Variants in CHCHD5 observed in about 807,000 individuals in gnomAD.
The protein encoded by CHCHD5 is coiled-coil-helix-coiled-coil-helix domain containing 5.
CHCHD5 carries 10 observed loss-of-function variants against 16.0 expected under a neutral mutation model. That is an observed-to-expected ratio of 0.63 (90% CI 0.39 to 1.06). CHCHD5 has a LOEUF of 1.06. Among genes scored for constraint, CHCHD5 ranks in the 50% least tolerant of loss-of-function variants. CHCHD5 has a pLI of 0.01. For missense variants in CHCHD5, 163 were observed against 153.4 expected (o/e 1.06, Z -0.33); for synonymous variants, 55 against 56.3 (o/e 0.98, Z 0.10).
At chr2:112,584,922 C>T (rs1407314163) in intron 1 of CHCHD5, 2 of 548,434 alleles carry the variant, frequency 3.6e-6, no homozygotes, top group Admixed American at 3.1e-5. Flanking sequence ...ACCCCAGGTC[C>T]GGCCTTCACA....
chr2:112,586,525 C>T (rs536129922), intron 3 of CHCHD5, 160 bp downstream of exon 3: 5 of 1,546,164 alleles, frequency 3.2e-6, no homozygotes, highest in African/African-American at 2.7e-5. Context: ...CACTTCTTGC[C>T]CCATATAGCC....
chr2:112,588,968 C>A lies in CHCHD5; in HGVS notation c.*79C>A. 1 of 1,064,544 alleles carries A rather than the reference C, an allele frequency of 9.4e-7. No homozygotes were observed. Among genetic ancestry groups the A allele is most frequent in the Non-Finnish European group, 1.5e-6 (1 of 686,648 alleles). The allele number at this position is 1,064,544 out of a possible 1,614,324, so 65.9% of individuals were successfully genotyped here. ...CCCCTGCAGAGTGGCCAGATGGAGT[C>A]CTGAGCCCTGGACATGGGCCCGGCT... On this transcript the variant is annotated 3_prime_UTR_variant, in exon 4 of 4. Coordinates refer to ENST00000324913, the MANE Select transcript of CHCHD5 (RefSeq NM_032309.4).
At chr2:112,588,048 G>C (rs1228679860) in intron 3 of CHCHD5, 1 of 152,332 alleles carries the variant, frequency 6.6e-6, no homozygotes. Context: ...CCAGCACTTG[G>C]GGAGGCCGAG....
intron 3 of CHCHD5, chr2:112,586,682 C>T: frequency 7.8e-7 from 1 of 1,288,056 alleles, no homozygotes; most frequent in African/African-American, 1.5e-5. Context: ...CTCATCACAC[C>T]TATGCTTAAA....
chr2:112,588,581 G>A, intron 3 of CHCHD5: 2 of 445,182 alleles, frequency 4.5e-6, no homozygotes, highest in Non-Finnish European at 8.0e-6. Context: ...TTTCTTGGAT[G>A]TTGACATATT....
chr2:112,586,200 C>T lies in CHCHD5; in HGVS notation c.144C>T (p.His48=), dbSNP rs766796445. ...GGGCTGAACTGCCCTACCCCCACAG[C>T]CCAATCATCCGCCAGATCCGCCAGG... The part of the protein sequence containing the change: ...KMSIAQCTSS[H]PIIRQIRQAC... Residue 48 remains histidine, a splice_region_variant and synonymous_variant, in exon 3 of 4, where the codon CAC becomes CAT. Transcript: ENST00000324913. 1.9e-6 allele frequency: 3 copies of T among 1,609,404 alleles called. No homozygotes were observed. The highest frequency in any genetic ancestry group is 3.3e-5 in the Admixed American group (2 of 59,932).
chr2:112,586,787 G>A (rs1490117906), intron 3 of CHCHD5: 1 of 544,508 alleles, frequency 1.8e-6, no homozygotes. Context: ...TCTGCCTCCT[G>A]CCTCACCCTC....
At chr2:112,587,959 A>G (rs188219111) in intron 3 of CHCHD5, 3 of 152,472 alleles carry the variant, frequency 2.0e-5, no homozygotes, top group African/African-American at 7.2e-5. Context: ...CTGCCCTGAC[A>G]GTCTTCTCTT....
intron 3 of CHCHD5, chr2:112,587,558 TG>T (rs1355670033): frequency 6.7e-6 from 1 of 150,190 alleles, no homozygotes; most frequent in African/African-American, 2.4e-5. Flanking sequence ...TTCCCGCCCC[TG>T]TCTTCAAGTT....
chr2:112,587,026 C>T (rs1344874895), intron 3 of CHCHD5: 1 of 159,972 alleles, frequency 6.3e-6, no homozygotes, highest in Non-Finnish European at 1.4e-5. Context: ...GTTTACTACC[C>T]TCCTCACTGG....
upstream of CHCHD5, chr2:112,584,554 A>G (rs1574148584): frequency 6.4e-7 from 1 of 1,561,212 alleles, no homozygotes; most frequent in African/African-American, 1.4e-5. Context: ...GCTACCGGAA[A>G]AAACCAGGCT....
At chr2:112,585,506 G>GC (rs771881271) in intron 1 of CHCHD5, among the ~76,000 whole-genome samples, 3 of 152,166 alleles carry the variant, frequency 2.0e-5, no homozygotes, top group Non-Finnish European at 4.4e-5. Context: ...AAGCCCCAGG[G>GC]CTGGGCCTCA....
Position 112,584,651 on chromosome 2 carries a change from TGAG to T in CHCHD5, c.2+3_2+5del. On this transcript the variant is annotated splice_donor_5th_base_variant and intron_variant, in intron 1 of 3. Coordinates refer to ENST00000324913, the MANE Select transcript of CHCHD5 (RefSeq NM_032309.4). Reference sequence around the variant, plus strand: ...CTACGCCGGCAAAGGTCTCGAGATGTGAGTAGTGAGAGCGCCTACCCCATACGT... The same window carrying T: ...CTACGCCGGCAAAGGTCTCGAGATGTTAGTGAGAGCGCCTACCCCATACGT... 13 of 1,613,846 alleles carry T rather than the reference TGAG, an allele frequency of 8.1e-6. No homozygotes were observed. Among genetic ancestry groups the T allele is most frequent in the Non-Finnish European group, 1.1e-5 (13 of 1,179,956 alleles).
Position 112,588,929 on chromosome 2 carries a change from GC to G in CHCHD5, c.*45del. The G allele has an allele frequency of 6.5e-7, 1 of 1,529,266 alleles. No homozygotes were observed. Among genetic ancestry groups the G allele is most frequent in the Non-Finnish European group, 9.1e-7 (1 of 1,104,104 alleles). 94.7% of individuals were successfully genotyped at this position (1,529,266 alleles called of 1,614,324 possible). ...GCAGGAAAACTGGACATGAATGACT[GC>G]CCCCACGCCCCTCCCCTGCAGAGTG... On this transcript the variant is annotated 3_prime_UTR_variant, in exon 4 of 4. Transcript: ENST00000324913.
chr2:112,586,756 T>C, intron 3 of CHCHD5: 1 of 690,726 alleles, frequency 1.4e-6, no homozygotes, highest in Non-Finnish European at 2.3e-6. Flanking sequence ...GTTCTCTGTG[T>C]TCTTCCCTAG....
intron 3 of CHCHD5, chr2:112,586,737 C>A (rs1685238407): frequency 2.5e-6 from 2 of 804,988 alleles, no homozygotes; most frequent in Admixed American, 6.0e-5. Context: ...AAGTCCAGGT[C>A]CTTGCTGGGT....
intron 1 of CHCHD5, 196 bp downstream of exon 1, chr2:112,584,845 C>G (rs910978691): frequency 4.8e-6 from 3 of 628,882 alleles, no homozygotes; most frequent in Non-Finnish European, 8.4e-6. Flanking sequence ...AGCGTTTAGG[C>G]CTCGCCCCCT....
chr2:112,584,763 G>A (rs1426893909), intron 1 of CHCHD5, 114 bp downstream of exon 1: 2 of 1,289,286 alleles, frequency 1.6e-6, no homozygotes, highest in East Asian at 4.9e-5. Context: ...CCTTCTTGGA[G>A]ATCTGACCCT....
intron 3 of CHCHD5, chr2:112,588,585 A>G (rs556909842): frequency 2.4e-5 from 11 of 454,640 alleles, no homozygotes; most frequent in African/African-American, 2.0e-4. Flanking sequence ...TTGGATGTTG[A>G]CATATTTATT....
Sources: gnomAD v4.1 joint callset for allele counts (sites outside exome capture counted in the v4.1 genomes callset) on GRCh38, gnomAD v4.1.1 for gene constraint, MANE v1.5 for transcripts, NCBI Gene and HGNC (gene_info 2026-07-23, HGNC 2026-07-21) for gene names.